Variants in ITPR2 observed in about 807,000 individuals in gnomAD.
The protein encoded by ITPR2 is inositol 1,4,5-trisphosphate-gated calcium channel ITPR2.
A neutral mutation model predicts 317.1 loss-of-function variants in ITPR2; 207 were observed. The ratio of observed to expected loss-of-function variants is 0.65; its 90% CI spans 0.58 to 0.73. The LOEUF is 0.73. ITPR2 is among the 30% of genes least tolerant of loss of function. The pLI is 0.00. For missense variants in ITPR2, 2,613 were observed against 3,284.0 expected (o/e 0.80, Z 4.99); for synonymous variants, 1,156 against 1,149.1 (o/e 1.01, Z -0.12).
intron 9 of ITPR2, among the ~76,000 whole-genome samples, chr12:26,699,392 T>C (rs1948405170): frequency 6.6e-6 from 1 of 152,206 alleles, no homozygotes; most frequent in African/African-American, 2.4e-5. Flanking sequence ...AACACCAGCA[T>C]CTTTAGGAAA....
At chr12:26,827,846 A>G (rs1951031628) in intron 1 of ITPR2, among the ~76,000 whole-genome samples, 1 of 152,336 alleles carries the variant, frequency 6.6e-6, no homozygotes, top group Middle Eastern at 3.4e-3. Context: ...CGTTTTTAAT[A>G]TGACAGTGGA....
intron 37 of ITPR2, among the ~76,000 whole-genome samples, chr12:26,507,781 C>A (rs1176249551): frequency 2.6e-5 from 4 of 151,866 alleles, no homozygotes; most frequent in Non-Finnish European, 5.9e-5. Context: ...CAGTGAACTA[C>A]AGGTTGCTGA....
intron 52 of ITPR2, among the ~76,000 whole-genome samples, chr12:26,409,226 A>G (rs1207213723): frequency 6.6e-6 from 1 of 152,196 alleles, no homozygotes; most frequent in African/African-American, 2.4e-5. Flanking sequence ...GGACTAACCC[A>G]CACTATCAGT....
intron 55 of ITPR2, among the ~76,000 whole-genome samples, chr12:26,353,037 G>A (rs1591955903): frequency 6.6e-6 from 1 of 152,336 alleles, no homozygotes; most frequent in East Asian, 1.9e-4. Context: ...GGAGATGGAG[G>A]AGACCATAAA....
intron 48 of ITPR2, among the ~76,000 whole-genome samples, chr12:26,430,112 C>T (rs1941165778): frequency 6.6e-6 from 1 of 152,082 alleles, no homozygotes; most frequent in African/African-American, 2.4e-5. Context: ...CACATAGGTT[C>T]ATACTAAATA....
At chr12:26,777,473 G>A (rs755809816) in intron 2 of ITPR2, among the ~76,000 whole-genome samples, 15 of 152,214 alleles carry the variant, frequency 9.9e-5, no homozygotes, top group Non-Finnish European at 2.2e-4. Flanking sequence ...AGGTGGTAGG[G>A]GCCAAGTGGT....
chr12:26,593,892 T>C (rs977972915), intron 32 of ITPR2, among the ~76,000 whole-genome samples: 36 of 152,380 alleles, frequency 2.4e-4, no homozygotes, highest in African/African-American at 8.4e-4. Context: ...TTCAGCTTTA[T>C]AGCTCATGCT....
intron 45 of ITPR2, among the ~76,000 whole-genome samples, chr12:26,457,042 T>C (rs566260547): frequency 6.6e-5 from 10 of 152,282 alleles, no homozygotes; most frequent in Admixed American, 5.9e-4. Context: ...TTTGGGGTTA[T>C]AATAGTGAAC....
intron 45 of ITPR2, among the ~76,000 whole-genome samples, chr12:26,445,520 A>G (rs1941588506): frequency 6.7e-6 from 1 of 149,078 alleles, no homozygotes; most frequent in Non-Finnish European, 1.5e-5. Flanking sequence ...AAAGGTAGGA[A>G]CAAAACCCCA....
chr12:26,357,576 G>T, intron 55 of ITPR2, among the ~76,000 whole-genome samples: 1 of 152,232 alleles, frequency 6.6e-6, no homozygotes. Flanking sequence ...GACCAAAGAG[G>T]GTTGCGGGAA....
At chr12:26,655,918 C>CT in intron 19 of ITPR2, 66 bp from the exon 20 acceptor site, 5 of 1,464,076 alleles carry the variant, frequency 3.4e-6, no homozygotes, top group East Asian at 2.3e-5. Context: ...TAGGAAAACA[C>CT]ACGTAGTTTC....
intron 55 of ITPR2, among the ~76,000 whole-genome samples, chr12:26,378,388 AAAG>A (rs1241268895): frequency 6.6e-6 from 1 of 152,050 alleles, no homozygotes; most frequent in Non-Finnish European, 1.5e-5. Context: ...ATTTTTGAGA[AAAG>A]AAGGGCCAAT....
intron 1 of ITPR2, among the ~76,000 whole-genome samples, chr12:26,808,098 AG>A (rs1304431233): frequency 6.6e-6 from 1 of 152,084 alleles, no homozygotes; most frequent in African/African-American, 2.4e-5. Flanking sequence ...CATGAGGAAA[AG>A]TGTAGGCCTA....
At chr12:26,530,495 A>G (rs1943919351) in intron 37 of ITPR2, among the ~76,000 whole-genome samples, 1 of 152,230 alleles carries the variant, frequency 6.6e-6, no homozygotes, top group Non-Finnish European at 1.5e-5. Context: ...GATGGTCAGA[A>G]GTAAATGTAG....
intron 55 of ITPR2, among the ~76,000 whole-genome samples, chr12:26,368,275 A>C (rs1398690090): frequency 6.6e-6 from 1 of 152,230 alleles, no homozygotes; most frequent in Non-Finnish European, 1.5e-5. Context: ...AGGAAGCAAG[A>C]AGCAGTAACT....
Position 26,621,222 on chromosome 12 carries a change from C to G in ITPR2, c.3363G>C (p.Leu1121=). 4.3e-6 allele frequency: 7 copies of G among 1,613,828 alleles called. No individual in the cohort carries two copies. Among genetic ancestry groups the G allele is most frequent in the Non-Finnish European group, 5.9e-6 (7 of 1,179,770 alleles). The change falls in exon 26 of 57, where the codon CTG becomes CTC. Residue 1121 remains leucine (L), a synonymous_variant. Transcript: ENST00000381340. ...CCCATAGCTCAGACTTTTCTACTGT[C>G]AGTCGAAGCTGGTCTAGATCTGCCT... ...QIKADLDQLR[L]TVEKSELWVE... is the part of the protein sequence containing the mutation.
At chr12:26,647,405 C>A (rs369011383) in intron 21 of ITPR2, among the ~76,000 whole-genome samples, 17 of 152,186 alleles carry the variant, frequency 1.1e-4, no homozygotes, top group Non-Finnish European at 2.5e-4. Context: ...ATAAAATATA[C>A]CCATGCTGTT....
chr12:26,408,931 A>G (rs1035562068), intron 52 of ITPR2, among the ~76,000 whole-genome samples: 1 of 152,206 alleles, frequency 6.6e-6, no homozygotes. Flanking sequence ...GAAATGTTGA[A>G]TTAAAAGAGA....
intron 54 of ITPR2, among the ~76,000 whole-genome samples, chr12:26,398,412 G>A (rs563933728): frequency 6.6e-6 from 1 of 152,300 alleles, no homozygotes; most frequent in Non-Finnish European, 1.5e-5. Context: ...AACAGAGCGA[G>A]ACTCCATCTC....
Sources: allele counts gnomAD v4.1 joint callset (sites outside exome capture counted in the v4.1 genomes callset), GRCh38; gene constraint gnomAD v4.1.1; transcripts MANE v1.5; gene names NCBI Gene and HGNC (gene_info 2026-07-23, HGNC 2026-07-21).